The following NRXN1 variants were observed in gnomAD, a reference collection of about 807,000 sequenced individuals.
The protein encoded by NRXN1 is neurexin 1, also known as neurexin-1.
A neutral mutation model predicts 150.9 loss-of-function variants in NRXN1; 39 were observed. The observed-to-expected ratio is 0.26, with a 90% CI of 0.20 to 0.34. NRXN1 has a LOEUF of 0.34. Among genes scored for constraint, NRXN1 ranks in the 10% least tolerant of loss-of-function variants. NRXN1 has a pLI of 1.00. For missense variants in NRXN1, 1,815 were observed against 1,949.9 expected (o/e 0.93, Z 1.30); for synonymous variants, 924 against 757.0 (o/e 1.22, Z -3.62).
intron 5 of NRXN1, among the ~76,000 whole-genome samples, chr2:50,658,592 C>T (rs182453201): frequency 1.4e-3 from 213 of 152,008 alleles, no homozygotes; most frequent in African/African-American, 4.8e-3. Context: ...ACTCTTTGGC[C>T]GTTCCTTCAC....
chr2:50,030,577 T>C (rs1689037466), intron 21 of NRXN1, among the ~76,000 whole-genome samples: 3 of 152,192 alleles, frequency 2.0e-5, no homozygotes, highest in Admixed American at 6.6e-5. Context: ...TCTTCAGAGT[T>C]GAGTTCAGTT....
At chr2:50,781,090 G>C (rs1704294355) in intron 5 of NRXN1, among the ~76,000 whole-genome samples, 1 of 152,284 alleles carries the variant, frequency 6.6e-6, no homozygotes, top group African/African-American at 2.4e-5. Flanking sequence ...GCAGCAGCCA[G>C]AGTATCAGCA....
intron 17 of NRXN1, 27 bp from the exon 18 acceptor site, chr2:50,236,997 A>C: frequency 6.2e-7 from 1 of 1,609,828 alleles, no homozygotes; most frequent in Non-Finnish European, 8.5e-7. Flanking sequence ...AAAACCAATT[A>C]GTCCAAATAC....
chr2:50,335,891 T>G (rs940670888), intron 17 of NRXN1, among the ~76,000 whole-genome samples: 4 of 36,806 alleles, frequency 1.1e-4, no homozygotes, highest in Middle Eastern at 0.012. Context: ...GTCCTTTCTG[T>G]TTTTTTTTTT....
At chr2:50,757,026 C>T (rs1701225635) in intron 5 of NRXN1, among the ~76,000 whole-genome samples, 2 of 151,886 alleles carry the variant, frequency 1.3e-5, no homozygotes, top group South Asian at 4.2e-4. Context: ...AGAAAACGTG[C>T]TTTGTTTTTA....
At chr2:50,004,071 A>G (rs919789327) in intron 21 of NRXN1, among the ~76,000 whole-genome samples, 17 of 152,268 alleles carry the variant, frequency 1.1e-4, no homozygotes, top group African/African-American at 3.6e-4. Context: ...GAGGTGAGGT[A>G]TTACTTGAGT....
At chr2:50,128,752 G>A (rs1434942231) in intron 18 of NRXN1, among the ~76,000 whole-genome samples, 2 of 152,032 alleles carry the variant, frequency 1.3e-5, no homozygotes, top group African/African-American at 4.8e-5. Context: ...GGGAGCTGAG[G>A]GGGGTGGATC....
intron 5 of NRXN1, among the ~76,000 whole-genome samples, chr2:50,848,822 T>C (rs1358810042): frequency 2.0e-5 from 3 of 152,050 alleles, no homozygotes; most frequent in Non-Finnish European, 2.9e-5. Context: ...ACTCCAGGGA[T>C]TAGTGCATAA....
At position 50,808,725 on chromosome 2, in the gene NRXN1, T is replaced by C. The variant is rs563382064; in HGVS notation, c.832+113144A>G. 8.0e-4 allele frequency among the ~76,000 whole-genome samples: 122 copies of C among 152,246 alleles called. No homozygotes were observed. In the Middle Eastern group the frequency reaches 0.024, roughly 30 times the overall value. ...AGATAAACCAGTATATAACCTATAG[T>C]TCAAGATCACTGGACTTCACACTTT... On this transcript the variant is annotated intron_variant, in intron 5 of 22. Coordinates refer to ENST00000401669, the MANE Select transcript of NRXN1 (RefSeq NM_001330078.2).
chr2:50,600,321 C>CTTT (rs779234312), intron 8 of NRXN1, among the ~76,000 whole-genome samples: 48 of 120,232 alleles, frequency 4.0e-4, no homozygotes, highest in Middle Eastern at 4.7e-3. Flanking sequence ...TTAAGACTAG[C>CTTT]TTTTTTTTTT....
At chr2:50,204,257 G>A (rs1385588233) in intron 18 of NRXN1, among the ~76,000 whole-genome samples, 1 of 151,840 alleles carries the variant, frequency 6.6e-6, no homozygotes, top group Non-Finnish European at 1.5e-5. Flanking sequence ...TTGAGTGATG[G>A]TACTGCCCAT....
intron 8 of NRXN1, among the ~76,000 whole-genome samples, chr2:50,590,942 C>T (rs1444254424): frequency 3.9e-5 from 6 of 152,168 alleles, no homozygotes; most frequent in Non-Finnish European, 8.8e-5. Context: ...AATAATATAA[C>T]TCCCTGCCCT....
intron 18 of NRXN1, among the ~76,000 whole-genome samples, chr2:50,130,160 G>C (rs12622844): frequency 0.17 from 25,977 of 152,004 alleles, 2,711 homozygotes; most frequent in East Asian, 0.37. Context: ...CCCTAGTCTT[G>C]TTCTGATGTG....
At chr2:50,486,561 C>A (rs2090890029) in intron 15 of NRXN1, among the ~76,000 whole-genome samples, 1 of 152,044 alleles carries the variant, frequency 6.6e-6, no homozygotes, top group African/African-American at 2.4e-5. Flanking sequence ...CTAGTACAGG[C>A]CCTTATAGTG....
chr2:50,620,267 CTTTTGTTT>C, intron 7 of NRXN1, 84 bp from the exon 8 acceptor site: 1 of 1,418,636 alleles, frequency 7.0e-7, no homozygotes, highest in South Asian at 1.4e-5. Flanking sequence ...TTGTGTTTTG[CTTTTGTTT>C]TTTTGTTTTG....
At chr2:50,333,039 T>G (rs994164354) in intron 17 of NRXN1, among the ~76,000 whole-genome samples, 4 of 152,238 alleles carry the variant, frequency 2.6e-5, no homozygotes, top group Non-Finnish European at 4.4e-5. Context: ...CTAATCCATT[T>G]TGTTTTTTTC....
At chr2:50,697,793 TTTTC>T (rs1436285519) in intron 5 of NRXN1, among the ~76,000 whole-genome samples, 2 of 152,170 alleles carry the variant, frequency 1.3e-5, no homozygotes, top group African/African-American at 4.8e-5. Flanking sequence ...CTTTGTTTCA[TTTTC>T]TTTCTTTTCT....
rs1267122181 is a variant in NRXN1 at position 50,070,846 on chromosome 2, G to A, written c.3719-15802C>T. Among the ~76,000 whole-genome samples the A allele has an allele frequency of 2.6e-5, 4 of 151,624 alleles. No individual in the cohort carries two copies. In the East Asian group the frequency reaches 5.8e-4, roughly 22 times the overall value. On this transcript the variant is annotated intron_variant, in intron 19 of 22. Transcript: ENST00000401669. ...GTAGAGATCACCAATTAAAACCCAG[G>A]CATCCTAAATAATGCAGTAGGTACA...
At chr2:50,889,564 T>C (rs1680752441) in intron 5 of NRXN1, among the ~76,000 whole-genome samples, 1 of 151,792 alleles carries the variant, frequency 6.6e-6, no homozygotes. Flanking sequence ...GGTTGTGGTA[T>C]AACGTGTACA....
Sources: allele counts gnomAD v4.1 joint callset (sites outside exome capture counted in the v4.1 genomes callset), GRCh38; gene constraint gnomAD v4.1.1; transcripts MANE v1.5; gene names NCBI Gene and HGNC (gene_info 2026-07-23, HGNC 2026-07-21).